FMNL1: variants seen among roughly 807,000 people sequenced by gnomAD.
FMNL1 encodes the protein formin-like protein 1.
Under a neutral mutation model 121.3 loss-of-function variants are expected in FMNL1, and 43 were observed. The ratio of observed to expected loss-of-function variants is 0.35; its 90% CI spans 0.28 to 0.46. FMNL1 has a LOEUF of 0.46. FMNL1 is among the 20% of genes least tolerant of loss of function. The probability of loss-of-function intolerance (pLI) is 1.00; values close to 1 mark genes in which losing one functional copy is unlikely to be tolerated. For missense variants in FMNL1, 1,191 were observed against 1,482.4 expected (o/e 0.80, Z 3.23); for synonymous variants, 613 against 613.5 (o/e 1.00, Z 0.01).
At chr17:45,236,300 G>A in intron 7 of FMNL1, 56 bp downstream of exon 7, 2 of 1,446,264 alleles carry the variant, frequency 1.4e-6, no homozygotes, top group Non-Finnish European at 1.9e-6. Flanking sequence ...CCTCACTGGG[G>A]GCTACACAAG....
chr17:45,245,655 G>C lies in FMNL1; in HGVS notation c.2916G>C (p.Glu972Asp). ...TAQEAFESVV[E>D]YFGENPKTTS... is the part of the protein sequence containing the mutation. ...AGGAGGCCTTTGAGTCTGTGGTGGA[G>C]TACTTCGGAGAGAACCCCAAGACCA... The change falls in exon 23 of 27, where the codon GAG becomes GAC. Residue 972 changes from glutamate (E) to aspartate (D), a missense_variant. Physicochemically the swap from Glu to Asp is conservative, Grantham distance 45. Coordinates refer to ENST00000331495, the MANE Select transcript of FMNL1 (RefSeq NM_005892.4). 1 of 1,614,132 alleles carries C rather than the reference G, an allele frequency of 6.2e-7. No homozygotes were observed. The highest frequency in any genetic ancestry group is 1.3e-5 in the African/African-American group (1 of 75,032).
intron 9 of FMNL1, 197 bp from the exon 10 acceptor site, chr17:45,238,367 G>A (rs2043597321): frequency 1.8e-6 from 1 of 567,742 alleles, no homozygotes; most frequent in African/African-American, 1.9e-5. Flanking sequence ...AATGTGCCAG[G>A]ATGCCAGTGT....
In FMNL1 at chr17:45,246,589, C is replaced by T; in HGVS notation, c.3296C>T (p.Pro1099Leu). Residue 1099 changes from proline to leucine, a missense_variant, in exon 26 of 27, where the codon CCC (proline) becomes CTC (leucine). Pro to Leu is a moderately conservative substitution (Grantham distance 98, BLOSUM62 -3). Transcript: ENST00000331495. ...GAGGCCAGCCTGGGAGAAGAGATGC[C>T]CCTCTAGCCCCTCAGGTACCCAGAT... is the stretch of plus-strand genomic sequence containing the variant. The part of the protein sequence containing the change: ...LCEASLGEEM[P>L]L The T allele has an allele frequency of 1.3e-6, 2 of 1,599,244 alleles. No homozygotes were observed. The highest frequency in any genetic ancestry group is 1.7e-6 in the Non-Finnish European group (2 of 1,170,620).
rs2043544644 is a variant in FMNL1 at position 45,236,145 on chromosome 17, A to G, written c.624A>G (p.Pro208=). The G allele has an allele frequency of 1.2e-6, 2 of 1,612,064 alleles. No homozygotes were observed. The highest frequency in any genetic ancestry group is 2.2e-5 in the East Asian group (1 of 44,896). Reference sequence around the variant, plus strand: ...TCCACACCCCGCCCAGGCTGACCCCAGCCCACAGCAGGAAGGCCCTGCGGA... The same window carrying G: ...TCCACACCCCGCCCAGGCTGACCCCGGCCCACAGCAGGAAGGCCCTGCGGA... ...KSRHLTIKLT[P]AHSRKALRNS... The change falls in exon 7 of 27, where the codon CCA becomes CCG. Residue 208 remains proline, a synonymous_variant. Coordinates refer to ENST00000331495, the MANE Select transcript of FMNL1 (RefSeq NM_005892.4).
intron 25 of FMNL1, 61 bp downstream of exon 25, chr17:45,246,391 C>A (rs1160510850): frequency 1.9e-6 from 3 of 1,613,660 alleles, no homozygotes; most frequent in Middle Eastern, 1.7e-4. Flanking sequence ...TTTCTTCTGA[C>A]CCAATGCGCT....
intron 6 of FMNL1, among the ~76,000 whole-genome samples, chr17:45,235,392 G>T (rs2043529152): frequency 6.6e-6 from 1 of 152,210 alleles, no homozygotes. Flanking sequence ...GAACAGGGAA[G>T]AGCATTCCAG....
At position 45,240,497 on chromosome 17, in the gene FMNL1, G is replaced by T; in HGVS notation, c.1102G>T (p.Asp368Tyr). The T allele has an allele frequency of 1.2e-6, 2 of 1,613,514 alleles. No homozygotes were observed. The highest frequency in any genetic ancestry group is 2.2e-5 in the South Asian group (2 of 91,028). ...ACAGAGGCTTCGGCTCACCGAGAGT[G>T]ACAAGCTGCAGGTGCAGATCCAGGC... ...YLERLRLTES[D>Y]KLQVQIQAYL... The change falls in exon 12 of 27, where the codon GAC becomes TAC. Residue 368 changes from aspartate (D) to tyrosine (Y), a missense_variant. Physicochemically the swap from Asp to Tyr is radical, Grantham distance 160. Coordinates refer to ENST00000331495, the MANE Select transcript of FMNL1 (RefSeq NM_005892.4).
intron 1 of FMNL1, among the ~76,000 whole-genome samples, chr17:45,223,089 G>A (rs1472525874): frequency 1.3e-5 from 2 of 152,156 alleles, no homozygotes; most frequent in African/African-American, 4.8e-5. Context: ...AGTAGGGAGA[G>A]GAAGAGCTGC....
At chr17:45,228,440 G>A (rs1327445405) in intron 1 of FMNL1, among the ~76,000 whole-genome samples, 2 of 152,322 alleles carry the variant, frequency 1.3e-5, no homozygotes, top group East Asian at 3.9e-4. Flanking sequence ...GTGGACCCAG[G>A]TGGTGGCTCA....
chr17:45,246,408 T>C, intron 25 of FMNL1, 78 bp downstream of exon 25: 1 of 1,613,046 alleles, frequency 6.2e-7, no homozygotes, highest in Non-Finnish European at 8.5e-7. Flanking sequence ...CGCTATCCTC[T>C]GGGGGACTGG....
rs1231727496 is a variant in FMNL1, at chr17:45,236,086, G to A, written c.615-50G>A. 5 of 1,489,322 alleles carry A rather than the reference G, an allele frequency of 3.4e-6. No homozygotes were observed. In the Admixed American group the frequency reaches 8.8e-5, roughly 26 times the overall value. 92.3% of individuals were successfully genotyped at this position (1,489,322 alleles called of 1,614,324 possible). A position where few individuals can be genotyped will look rare whatever the true frequency, so the allele number is the denominator to read the frequency against. Reference sequence around the variant, plus strand: ...CAGAGGCTGAGTGGTGGGGAAACAGGAAGCTGGGGCTCACTCTGACTCCTG... The same window carrying A: ...CAGAGGCTGAGTGGTGGGGAAACAGAAAGCTGGGGCTCACTCTGACTCCTG... On this transcript the variant is annotated intron_variant, in intron 6 of 26. Coordinates refer to ENST00000331495, the MANE Select transcript of FMNL1 (RefSeq NM_005892.4).
Position 45,237,180 on chromosome 17 carries a change from G to A in FMNL1, c.724-101G>A. On this transcript the variant is annotated intron_variant, in intron 7 of 26. Coordinates refer to ENST00000331495, the MANE Select transcript of FMNL1 (RefSeq NM_005892.4). The surrounding 1 kb of genome is among the most constrained non-coding windows in gnomAD (Gnocchi z 4.4). ...CACAGAAGTTGCGGTTGGATACAAA[G>A]AACTTCCTAAACTCGAGGGCAGTTA... 1 of 1,081,136 alleles carries A rather than the reference G, an allele frequency of 9.2e-7. No homozygotes were observed. The highest frequency in any genetic ancestry group is 1.4e-6 in the Non-Finnish European group (1 of 719,980). 67.0% of individuals were successfully genotyped at this position (1,081,136 alleles called of 1,614,324 possible).
In FMNL1 at chr17:45,241,709, A is replaced by G; in HGVS notation, c.1585+75A>G. The G allele has an allele frequency of 1.4e-6, 2 of 1,439,362 alleles. No individual in the cohort carries two copies. Among genetic ancestry groups the G allele is most frequent in the South Asian group, 2.9e-5 (2 of 68,620 alleles). The allele number at this position is 1,439,362 out of a possible 1,614,324, so 89.2% of individuals were successfully genotyped here. On this transcript the variant is annotated intron_variant, in intron 14 of 26. Coordinates refer to ENST00000331495, the MANE Select transcript of FMNL1 (RefSeq NM_005892.4). This position sits in a 1 kb window ranked among gnomAD's most constrained non-coding sequence, Gnocchi z 7.0. ...GAGCCCAGGGGCATCTGTGGCGGGCAGAGTTGGGCGAGGGAGGTTTGGATT... is the reference window on the plus strand; with the variant it reads ...GAGCCCAGGGGCATCTGTGGCGGGCGGAGTTGGGCGAGGGAGGTTTGGATT...
rs2043235968 is a variant in FMNL1 at position 45,222,036 on chromosome 17, C to T, written c.-89C>T. On this transcript the variant is annotated 5_prime_UTR_variant, in exon 1 of 27. Coordinates refer to ENST00000331495, the MANE Select transcript of FMNL1 (RefSeq NM_005892.4). ...CCACCGCCAGCCGCTGCCCCCTCGCCCCCGCCCGGGCCGGGAGCCTCGTCC... is the reference window on the plus strand; with the variant it reads ...CCACCGCCAGCCGCTGCCCCCTCGCTCCCGCCCGGGCCGGGAGCCTCGTCC... 2 of 1,056,562 alleles carry T rather than the reference C, an allele frequency of 1.9e-6. No homozygotes were observed. The highest frequency in any genetic ancestry group is 9.0e-5 in the South Asian group (2 of 22,130). 65.4% of individuals were successfully genotyped at this position (1,056,562 alleles called of 1,614,324 possible).
chr17:45,242,067 T>TCCGCCGCCG lies in FMNL1; in HGVS notation c.1824_1832dup (p.Pro610_Pro612dup), dbSNP rs372669041. 1.4e-4 allele frequency: 200 copies of TCCGCCGCCG among 1,461,870 alleles called. No homozygotes were observed. Among genetic ancestry groups the TCCGCCGCCG allele is most frequent in the Admixed American group, 2.8e-4 (13 of 45,878 alleles). 90.6% of individuals were successfully genotyped at this position (1,461,870 alleles called of 1,614,324 possible). A position where few individuals can be genotyped will look rare whatever the true frequency, so the allele number is the denominator to read the frequency against. On this transcript the variant is annotated inframe_insertion, in exon 15 of 27. Transcript: ENST00000331495. ...CTCCGGGCACTGACGGGCCGGTGCC[T>TCCGCCGCCG]CCGCCGCCGCCGCCGCCGCCGCCGC...
chr17:45,223,930 G>A (rs377689330), intron 1 of FMNL1, among the ~76,000 whole-genome samples: 3 of 152,316 alleles, frequency 2.0e-5, no homozygotes, highest in Non-Finnish European at 2.9e-5. Context: ...TGTAGGACTT[G>A]TTTGCCCTGC....
Position 45,247,282 on chromosome 17 carries a change from T to G in FMNL1, c.*424T>G, listed in dbSNP as rs1007817793. On this transcript the variant is annotated 3_prime_UTR_variant, in exon 27 of 27. Coordinates refer to ENST00000331495, the MANE Select transcript of FMNL1 (RefSeq NM_005892.4). Reference sequence around the variant, plus strand: ...CAGCCCCGAGGACCGTCCATGGACCTTATTTTTATATGAGATTAATAAAGA... The same window carrying G: ...CAGCCCCGAGGACCGTCCATGGACCGTATTTTTATATGAGATTAATAAAGA... 3.5e-5 allele frequency: 13 copies of G among 368,068 alleles called. No individual in the cohort carries two copies. Among genetic ancestry groups the G allele is most frequent in the Non-Finnish European group, 5.9e-5 (12 of 203,902 alleles). 22.8% of individuals were successfully genotyped at this position (368,068 alleles called of 1,614,324 possible). A position where few individuals can be genotyped will look rare whatever the true frequency, so the allele number is the denominator to read the frequency against.
At chr17:45,232,148 TG>T (rs1170424086) in intron 2 of FMNL1, among the ~76,000 whole-genome samples, 2 of 151,908 alleles carry the variant, frequency 1.3e-5, no homozygotes, top group Admixed American at 1.3e-4. Flanking sequence ...CACTCCAGCC[TG>T]GGCCACAGGG....
In FMNL1 at chr17:45,230,566, G is replaced by T. The variant is rs186793082; in HGVS notation, c.130-38G>T. The T allele has an allele frequency of 8.7e-6, 14 of 1,609,174 alleles. No homozygotes were observed. The Admixed American group carries it at 1.0e-4, about 12-fold the overall frequency. ...CATTCTCCCCTCTCCCCTTGTTGGG[G>T]CCCCAGGCTCAGGGGTCTTTGTCCT... On this transcript the variant is annotated intron_variant, in intron 1 of 26. Transcript: ENST00000331495.
Sources: allele counts gnomAD v4.1 joint callset (sites outside exome capture counted in the v4.1 genomes callset), GRCh38; gene constraint gnomAD v4.1.1; non-coding constraint Gnocchi (gnomAD v3.1); transcripts MANE v1.5; gene names NCBI Gene and HGNC (gene_info 2026-07-23, HGNC 2026-07-21).